Variants in C2CD5 observed in about 807,000 individuals in gnomAD.
The protein encoded by C2CD5 is C2 domain-containing protein 5.
Under a neutral mutation model 130.3 loss-of-function variants are expected in C2CD5, and 109 were observed. The observed-to-expected ratio is 0.84, with a 90% CI of 0.72 to 0.98. The LOEUF (loss-of-function observed/expected upper bound fraction) is 0.98. Among genes scored for constraint, C2CD5 ranks in the 50% least tolerant of loss-of-function variants. The pLI, the probability that C2CD5 is intolerant of heterozygous loss-of-function variation, is 0.00. For missense variants in C2CD5, 996 were observed against 1,261.8 expected (o/e 0.79, Z 3.19); for synonymous variants, 454 against 429.2 (o/e 1.06, Z -0.71).
At chr12:22,453,195 G>C (rs1939072441) in intron 26 of C2CD5, among the ~76,000 whole-genome samples, 1 of 152,024 alleles carries the variant, frequency 6.6e-6, no homozygotes, top group Admixed American at 6.6e-5. Flanking sequence ...TCTGCTCTTA[G>C]GGGAGTCACT....
intron 18 of C2CD5, 51 bp downstream of exon 18, chr12:22,472,235 A>C (rs1279089827): frequency 6.3e-6 from 7 of 1,103,700 alleles, no homozygotes; most frequent in Non-Finnish European, 8.0e-6. Flanking sequence ...AATGGAACTT[A>C]CTAAAATAAC....
At chr12:22,469,922 C>T in intron 21 of C2CD5, 127 bp from the exon 22 acceptor site, 1 of 539,196 alleles carries the variant, frequency 1.9e-6, no homozygotes, top group East Asian at 3.4e-5. Flanking sequence ...TTATTCTGGT[C>T]ATTTTCTCCT....
At chr12:22,490,800 T>A (rs2136436429) in intron 11 of C2CD5, among the ~76,000 whole-genome samples, 1 of 152,206 alleles carries the variant, frequency 6.6e-6, no homozygotes, top group Non-Finnish European at 1.5e-5. Context: ...TGTCACCCAA[T>A]TTGAAAGCTA....
rs1177981144 is a variant in C2CD5, at chr12:22,470,835, G to A, written c.2435C>T (p.Ser812Leu). ...LQTTKTPVEK[S>L]LQRASTDNEE... ...CAGTAAAGATTTACCTCTTTGCAAT[G>A]ACTTTTCAACAGGGGTTTTTGTGGT... The change falls in exon 21 of 27, where the codon TCA (serine) becomes TTA (leucine). Residue 812 changes from serine (S) to leucine (L), a missense_variant. Coordinates refer to ENST00000446597, the MANE Select transcript of C2CD5 (RefSeq NM_001286176.2). 6.2e-7 allele frequency: 1 copy of A among 1,606,574 alleles called. No individual in the cohort carries two copies. Among genetic ancestry groups the A allele is most frequent in the Admixed American group, 1.7e-5 (1 of 59,758 alleles).
At chr12:22,492,498 A>C (rs1946478751) in intron 11 of C2CD5, among the ~76,000 whole-genome samples, 1 of 152,174 alleles carries the variant, frequency 6.6e-6, no homozygotes, top group African/African-American at 2.4e-5. Flanking sequence ...ATATGGTTGA[A>C]AGTTAAGTGG....
intron 4 of C2CD5, among the ~76,000 whole-genome samples, 177 bp downstream of exon 4, chr12:22,527,544 C>T (rs1368616387): frequency 6.6e-6 from 1 of 151,842 alleles, no homozygotes; most frequent in Non-Finnish European, 1.5e-5. Context: ...TCTCGAACTC[C>T]CGACCTCAGG....
intron 10 of C2CD5, among the ~76,000 whole-genome samples, chr12:22,499,920 G>C (rs1274971837): frequency 6.6e-6 from 1 of 152,192 alleles, no homozygotes; most frequent in Non-Finnish European, 1.5e-5. Flanking sequence ...GGGTGCAGTG[G>C]CTCACGCCCG....
chr12:22,457,205 G>T (rs746925067), intron 24 of C2CD5, 44 bp from the exon 25 acceptor site: 2 of 1,359,542 alleles, frequency 1.5e-6, no homozygotes, highest in Non-Finnish European at 2.0e-6. Context: ...ACAGACGCTG[G>T]TAACACAATT....
At position 22,490,150 on chromosome 12, in the gene C2CD5, C is replaced by A. The variant is rs1457522455; in HGVS notation, c.1331G>T (p.Gly444Val). 6.2e-7 allele frequency: 1 copy of A among 1,613,434 alleles called. No homozygotes were observed. Among genetic ancestry groups the A allele is most frequent in the South Asian group, 1.1e-5 (1 of 91,038 alleles). ...CTGTTCCAAACAGCCTTCCACGGTG[C>A]CATCCTGCAGAAATCTAGGATTCAG... ...AVLNPRFLQD[G>V]TVEGCLEQRL... is the part of the protein sequence containing the mutation. The change falls in exon 12 of 27, where the codon GGC (glycine) becomes GTC (valine). Residue 444 changes from glycine to valine, a missense_variant. Gly to Val is a moderately radical substitution (Grantham distance 109, BLOSUM62 -3). Transcript: ENST00000446597.
chr12:22,485,566 C>T (rs1945378986), intron 12 of C2CD5, among the ~76,000 whole-genome samples: 1 of 151,916 alleles, frequency 6.6e-6, no homozygotes, highest in Non-Finnish European at 1.5e-5. Flanking sequence ...AACAGGCATA[C>T]TCTAAGATTT....
intron 12 of C2CD5, among the ~76,000 whole-genome samples, chr12:22,487,161 T>C (rs1945653119): frequency 2.0e-5 from 3 of 152,108 alleles, no homozygotes; most frequent in Non-Finnish European, 4.4e-5. Context: ...ACTTCATGTC[T>C]AAAACACCAA....
intron 26 of C2CD5, among the ~76,000 whole-genome samples, chr12:22,451,108 A>C (rs1041359423): frequency 4.1e-4 from 63 of 152,178 alleles, no homozygotes; most frequent in Non-Finnish European, 8.8e-5. Flanking sequence ...AAAATGAAAA[A>C]TTTGGTTGCA....
chr12:22,539,976 G>A lies in C2CD5; in HGVS notation c.90+4085C>T, dbSNP rs1952193596. Among the ~76,000 whole-genome samples the A allele has an allele frequency of 8.7e-5, 12 of 137,978 alleles. No individual in the cohort carries two copies. The Admixed American group carries it at 9.3e-4, about 11-fold the overall frequency. 90.5% of individuals were successfully genotyped at this position (137,978 alleles called of 152,430 possible). On this transcript the variant is annotated intron_variant, in intron 2 of 26. Transcript: ENST00000446597. Reference sequence around the variant, plus strand: ...CATTGCACTCCAACCTGGGCAACAAGAGCGAAGCTCCGTCTCAAAAAAAAA... The same window carrying A: ...CATTGCACTCCAACCTGGGCAACAAAAGCGAAGCTCCGTCTCAAAAAAAAA...
At chr12:22,465,671 G>T (rs12320963) in intron 22 of C2CD5, among the ~76,000 whole-genome samples, 125,207 of 151,900 alleles carry the variant, frequency 0.82, 53,195 homozygotes, top group Non-Finnish European at 0.9. Context: ...TTTCTATATA[G>T]ATACACACAT....
At chr12:22,485,871 A>C (rs151317278) in intron 12 of C2CD5, among the ~76,000 whole-genome samples, 1 of 152,206 alleles carries the variant, frequency 6.6e-6, no homozygotes, top group African/African-American at 2.4e-5. Context: ...TAGTGAGATC[A>C]TAAGGAATCT....
At chr12:22,519,337 G>A (rs1950056163) in intron 7 of C2CD5, 10 of 1,004,630 alleles carry the variant, frequency 1.0e-5, no homozygotes, top group Non-Finnish European at 1.4e-5. Flanking sequence ...TTTAGTCAGG[G>A]AAGAGAACTT....
intron 12 of C2CD5, 125 bp from the exon 13 acceptor site, chr12:22,485,013 G>A: frequency 2.3e-6 from 1 of 437,744 alleles, no homozygotes; most frequent in Non-Finnish European, 4.0e-6. Flanking sequence ...TACTGCTGTA[G>A]GCTACAAAAG....
At chr12:22,518,221 G>T in intron 7 of C2CD5, 84 bp from the exon 8 acceptor site, 2 of 1,312,426 alleles carry the variant, frequency 1.5e-6, no homozygotes, top group Non-Finnish European at 2.2e-6. Context: ...CACCAGGAAA[G>T]AATTGGGGCA....
intron 21 of C2CD5, 37 bp from the exon 22 acceptor site, chr12:22,469,832 A>G (rs766688891): frequency 8.0e-7 from 1 of 1,242,898 alleles, no homozygotes; most frequent in South Asian, 1.4e-5. Context: ...TTTAGTAATG[A>G]TCTATTATTA....
Sources: allele counts gnomAD v4.1 joint callset (sites outside exome capture counted in the v4.1 genomes callset), GRCh38; gene constraint gnomAD v4.1.1; transcripts MANE v1.5; gene names NCBI Gene and HGNC (gene_info 2026-07-23, HGNC 2026-07-21).